The following ABLIM1 variants were observed in gnomAD, a reference collection of about 807,000 sequenced individuals.
The protein encoded by ABLIM1 is actin binding LIM protein 1, also known as actin-binding LIM protein 1.
In ABLIM1, 40 loss-of-function variants were observed where a neutral mutation model predicts 107.0. The observed-to-expected ratio is 0.37, with a 90% CI of 0.29 to 0.49. The LOEUF is 0.49. ABLIM1 is among the 20% of genes least tolerant of loss of function. The pLI is 0.97. For synonymous variants in ABLIM1, 357 were observed against 357.3 expected (o/e 1.00, Z 0.01); for missense variants, 857 against 1,008.5 (o/e 0.85, Z 2.04).
chr10:114,794,785 T>C, the ABLIM1 span, among the ~76,000 whole-genome samples: 1 of 152,202 alleles, frequency 6.6e-6, no homozygotes, highest in African/African-American at 2.4e-5. Context: ...TTGTCTTTCT[T>C]TGACTCTCAG....
At chr10:114,699,021 A>G (rs532481453) in intron 1 of ABLIM1, among the ~76,000 whole-genome samples, 41 of 152,032 alleles carry the variant, frequency 2.7e-4, no homozygotes, top group Admixed American at 2.7e-3. Context: ...AAACATCTTC[A>G]AGAAAGTAGA....
chr10:114,717,937 G>T (rs921257328), intron 1 of ABLIM1, among the ~76,000 whole-genome samples: 10 of 142,196 alleles, frequency 7.0e-5, no homozygotes, highest in African/African-American at 2.6e-4. Context: ...GGGGGGGAAG[G>T]GGAGGGGAGG....
chr10:114,798,246 C>A, the ABLIM1 span, among the ~76,000 whole-genome samples: 206 of 151,826 alleles, frequency 1.4e-3, no homozygotes, highest in African/African-American at 4.9e-3. Context: ...CATGGCGAAA[C>A]CCCATCTCTA....
chr10:114,437,790 G>T, intron 22 of ABLIM1, 54 bp downstream of exon 22: 1 of 1,435,050 alleles, frequency 7.0e-7, no homozygotes, highest in Non-Finnish European at 9.8e-7. Context: ...GGGGAGAGTT[G>T]GGGGAGTGCA....
At chr10:114,498,243 T>TTCA (rs2059950578) in intron 6 of ABLIM1, among the ~76,000 whole-genome samples, 1 of 152,230 alleles carries the variant, frequency 6.6e-6, no homozygotes, top group Non-Finnish European at 1.5e-5. Flanking sequence ...CCTCTTCAGC[T>TTCA]GTAAAATTCT....
At chr10:114,618,877 G>A (rs1027119336) in intron 1 of ABLIM1, among the ~76,000 whole-genome samples, 4 of 152,178 alleles carry the variant, frequency 2.6e-5, no homozygotes, top group African/African-American at 9.7e-5. Flanking sequence ...CACTGTGGTC[G>A]TGTGGTTTTC....
intron 1 of ABLIM1, among the ~76,000 whole-genome samples, chr10:114,731,175 C>T (rs2082065025): frequency 1.3e-5 from 2 of 152,152 alleles, no homozygotes; most frequent in African/African-American, 4.8e-5. Flanking sequence ...GAGTCTCACT[C>T]TGTCGCCCAG....
chr10:114,658,738 T>C (rs1006980304), upstream of ABLIM1, among the ~76,000 whole-genome samples: 3 of 152,188 alleles, frequency 2.0e-5, no homozygotes, highest in Non-Finnish European at 4.4e-5. Flanking sequence ...CTCTCAGCCA[T>C]AGTAAACGAT....
At chr10:114,468,930 T>C (rs1053497284) in intron 10 of ABLIM1, among the ~76,000 whole-genome samples, 4 of 151,570 alleles carry the variant, frequency 2.6e-5, no homozygotes, top group African/African-American at 9.7e-5. Flanking sequence ...CGGGCGCCTG[T>C]AGTCCCAGCT....
intron 6 of ABLIM1, among the ~76,000 whole-genome samples, chr10:114,505,384 C>T (rs933626806): frequency 6.6e-6 from 1 of 152,208 alleles, no homozygotes; most frequent in Non-Finnish European, 1.5e-5. Flanking sequence ...TGACCTCATT[C>T]CTGGCCTCCT....
rs1038974012 is a variant in ABLIM1 at position 114,511,297 on chromosome 10, T to A, written c.895-19419A>T. ...TTTAAGAGCAAGATGTATTGCTGAA[T>A]CCACGAGATTTTATTCTATTCTAAG... On this transcript the variant is annotated intron_variant, in intron 6 of 22. Coordinates refer to ENST00000533213, the MANE Select transcript of ABLIM1 (RefSeq NM_002313.7). Among the ~76,000 whole-genome samples the A allele has an allele frequency of 7.2e-5, 11 of 152,114 alleles. No homozygotes were observed. In the South Asian group the frequency reaches 2.1e-3, roughly 29 times the overall value.
chr10:114,473,643 C>T (rs903859742), intron 9 of ABLIM1, among the ~76,000 whole-genome samples: 1 of 151,708 alleles, frequency 6.6e-6, no homozygotes, highest in South Asian at 2.1e-4. Context: ...TTTTAAGTCC[C>T]GCAACATATT....
chr10:114,657,504 C>CT (rs1566189912), intron 1 of ABLIM1, among the ~76,000 whole-genome samples: 1 of 152,090 alleles, frequency 6.6e-6, no homozygotes, highest in Non-Finnish European at 1.5e-5. Flanking sequence ...TATTTTATTT[C>CT]TTTTTTAGAA....
At chr10:114,767,840 C>G (rs565015545) in intron 1 of ABLIM1, among the ~76,000 whole-genome samples, 52 of 152,294 alleles carry the variant, frequency 3.4e-4, no homozygotes, top group Non-Finnish European at 6.0e-4. Context: ...GTGAGCGGGG[C>G]GCCGACTTTG....
intron 1 of ABLIM1, among the ~76,000 whole-genome samples, chr10:114,669,164 C>A (rs1218774873): frequency 3.9e-5 from 6 of 152,218 alleles, no homozygotes; most frequent in African/African-American, 1.4e-4. Context: ...AGCCTCTTAT[C>A]TCATTGCATT....
At chr10:114,557,290 G>A (rs2068875179) in intron 4 of ABLIM1, among the ~76,000 whole-genome samples, 1 of 152,154 alleles carries the variant, frequency 6.6e-6, no homozygotes, top group Admixed American at 6.5e-5. Context: ...GAAAGCCAGG[G>A]CAAGCCTCTG....
rs770198683 is a variant in ABLIM1 at position 114,447,897 on chromosome 10, G to A, written c.1718C>T (p.Pro573Leu). The change falls in exon 15 of 23, where the codon CCC becomes CTC. Residue 573 changes from proline (P) to leucine (L), a missense_variant. By Grantham distance (98) the Pro-to-Leu change is moderately conservative. Around this residue, in one of 5 missense-constraint regions of ABLIM1, gnomAD observed 103 missense variants for 101.0 expected, o/e 1.02. Transcript: ENST00000533213. ...TTGCATACCTACGACAGCAAATGAGGGGGGACCAGGCCAGTGGTCCGTCTC... is the reference window on the plus strand; with the variant it reads ...TTGCATACCTACGACAGCAAATGAGAGGGGACCAGGCCAGTGGTCCGTCTC... ...KIETDHWPGP[P>L]SFAVVGPDMK... 3.7e-6 allele frequency: 6 copies of A among 1,613,950 alleles called. No individual in the cohort carries two copies. Among genetic ancestry groups the A allele is most frequent in the East Asian group, 4.5e-5 (2 of 44,886 alleles).
At chr10:114,528,651 C>G (rs2065128367) in intron 6 of ABLIM1, among the ~76,000 whole-genome samples, 1 of 152,340 alleles carries the variant, frequency 6.6e-6, no homozygotes, top group South Asian at 2.1e-4. Flanking sequence ...GCTGCATGTT[C>G]ACATGCAGAT....
intron 2 of ABLIM1, among the ~76,000 whole-genome samples, chr10:114,576,198 G>C (rs191921539): frequency 1.3e-5 from 2 of 152,294 alleles, no homozygotes; most frequent in East Asian, 3.9e-4. Flanking sequence ...CTGTTATTTG[G>C]ATGCTTTATT....
Sources: allele counts gnomAD v4.1 joint callset (sites outside exome capture counted in the v4.1 genomes callset), GRCh38; gene constraint gnomAD v4.1.1; regional missense constraint gnomAD v4.1.1; transcripts MANE v1.5; gene names NCBI Gene and HGNC (gene_info 2026-07-23, HGNC 2026-07-21).